The following ARID4B variants were observed in gnomAD, a reference collection of about 807,000 sequenced individuals.
The protein encoded by ARID4B is AT-rich interaction domain 4B.
ARID4B carries 26 observed loss-of-function variants against 147.5 expected under a neutral mutation model. The observed-to-expected ratio is 0.18, with a 90% CI of 0.13 to 0.24. The LOEUF is 0.24. ARID4B is among the 10% of genes least tolerant of loss of function. ARID4B has a pLI of 1.00. For synonymous variants in ARID4B, 512 were observed against 507.9 expected, an observed-to-expected ratio of 1.01 and a Z score of -0.11; for missense variants, 1,179 against 1,511.5, an observed-to-expected ratio of 0.78 and a Z score of 3.65.
At chr1:235,258,487 C>A (rs1282385872) in intron 3 of ARID4B, among the ~76,000 whole-genome samples, 1 of 152,038 alleles carries the variant, frequency 6.6e-6, no homozygotes, top group African/African-American at 2.4e-5. Context: ...GAATGGGAAA[C>A]CAGAGGTGAA....
chr1:235,248,978 T>G (rs1050228687), intron 6 of ARID4B, among the ~76,000 whole-genome samples: 4 of 152,196 alleles, frequency 2.6e-5, no homozygotes, highest in Admixed American at 2.0e-4. Flanking sequence ...AATATGGAAC[T>G]GGGATTTTAC....
At chr1:235,247,295 A>C (rs1207914914) in intron 6 of ARID4B, among the ~76,000 whole-genome samples, 4 of 152,222 alleles carry the variant, frequency 2.6e-5, no homozygotes, top group Non-Finnish European at 5.9e-5. Flanking sequence ...GGGTGGTATA[A>C]GAAAGAGTAT....
chr1:235,224,266 G>A (rs935116356), intron 12 of ARID4B, among the ~76,000 whole-genome samples: 4 of 152,148 alleles, frequency 2.6e-5, no homozygotes, highest in Non-Finnish European at 4.4e-5. Context: ...TTGAGGTTAC[G>A]GAAGGATTAG....
At chr1:235,281,036 G>A (rs780206805) in intron 2 of ARID4B, among the ~76,000 whole-genome samples, 1 of 151,798 alleles carries the variant, frequency 6.6e-6, no homozygotes, top group Non-Finnish European at 1.5e-5. Flanking sequence ...TTTCAAATGT[G>A]AGTCCTAAGT....
intron 21 of ARID4B, chr1:235,176,736 C>T (rs1016450907): frequency 3.1e-5 from 13 of 414,282 alleles, no homozygotes; most frequent in South Asian, 1.5e-4. Flanking sequence ...GCCCCAGGGA[C>T]GCCATATTCA....
At chr1:235,175,883 G>A (rs185106698) in intron 21 of ARID4B, among the ~76,000 whole-genome samples, 3 of 152,252 alleles carry the variant, frequency 2.0e-5, no homozygotes, top group East Asian at 3.9e-4. Context: ...TATGTATAAT[G>A]AAATTACTCT....
rs560077534 is a variant in ARID4B, at chr1:235,327,829, C to G, written c.-110G>C. ...AGAGTCCCCTCTCTCCTTCTCCCCC[C>G]CAAAACCAGCAGGCCCGGGGGAGAG... On this transcript the variant is annotated 5_prime_UTR_variant, in exon 1 of 24. Transcript: ENST00000264183. 3.0e-3 allele frequency: 451 copies of G among 152,730 alleles called. 2 individuals are homozygous for G. The highest frequency in any genetic ancestry group is 5.1e-3 in the Non-Finnish European group (351 of 68,314). 9.5% of individuals were successfully genotyped at this position (152,730 alleles called of 1,614,324 possible). A position where few individuals can be genotyped will look rare whatever the true frequency, so the allele number is the denominator to read the frequency against.
chr1:235,224,571 A>G, intron 12 of ARID4B, 132 bp downstream of exon 12: 1 of 670,030 alleles, frequency 1.5e-6, no homozygotes, highest in Non-Finnish European at 2.7e-6. Context: ...GGTGCTGGTG[A>G]TATCAGAGTC....
chr1:235,306,502 C>CAA (rs35505288), intron 2 of ARID4B, among the ~76,000 whole-genome samples: 68 of 129,604 alleles, frequency 5.2e-4, no homozygotes, highest in South Asian at 9.4e-4. Flanking sequence ...GACTCCATCT[C>CAA]AAAAAAAAAA....
intron 19 of ARID4B, among the ~76,000 whole-genome samples, chr1:235,192,747 C>T (rs1187365961): frequency 2.0e-5 from 3 of 152,174 alleles, no homozygotes; most frequent in African/African-American, 7.2e-5. Flanking sequence ...TGCTCCAATC[C>T]TCATTGCTTT....
At chr1:235,176,379 C>G (rs953589982) in intron 21 of ARID4B, among the ~76,000 whole-genome samples, 1 of 117,362 alleles carries the variant, frequency 8.5e-6, no homozygotes, top group Non-Finnish European at 1.6e-5. Flanking sequence ...TTACACCAAA[C>G]AATTGATGAC....
chr1:235,273,189 C>G (rs1197236273), intron 2 of ARID4B, among the ~76,000 whole-genome samples: 3 of 152,128 alleles, frequency 2.0e-5, no homozygotes, highest in African/African-American at 7.2e-5. Flanking sequence ...AGGCGTGCAC[C>G]ACCCCACCCA....
chr1:235,241,403 T>C (rs1668968884), intron 7 of ARID4B, among the ~76,000 whole-genome samples: 1 of 152,228 alleles, frequency 6.6e-6, no homozygotes, highest in South Asian at 2.1e-4. Flanking sequence ...ATTTACCTAT[T>C]TAGTATACTA....
chr1:235,319,561 AT>A (rs894459581), intron 2 of ARID4B, among the ~76,000 whole-genome samples: 1 of 151,944 alleles, frequency 6.6e-6, no homozygotes, highest in African/African-American at 2.4e-5. Context: ...ATTATATCTC[AT>A]TTTTTTTAAT....
Position 235,220,379 on chromosome 1 carries a change from C to T in ARID4B, c.1330G>A (p.Glu444Lys), listed in dbSNP as rs757560989. 6.8e-6 allele frequency: 11 copies of T among 1,610,290 alleles called. No homozygotes were observed. The highest frequency in any genetic ancestry group is 3.3e-5 in the Admixed American group (2 of 59,972). ...TCTTCTCTTGGTATTATATTCCTCT[C>T]CTCCTCCATCTTTATTTCTTTGATC... ...TEIKEIKMEE[E>K]RNIIPREEKP... The change falls in exon 15 of 24, where the codon GAG (glutamate) becomes AAG (lysine). Residue 444 changes from glutamate to lysine, a missense_variant. Around this residue, in one of 10 missense-constraint regions of ARID4B, gnomAD observed 204 missense variants for 210.9 expected, o/e 0.97. Coordinates refer to ENST00000264183, the MANE Select transcript of ARID4B (RefSeq NM_016374.6).
In ARID4B at chr1:235,316,463, C is replaced by T. The variant is rs187280855; in HGVS notation, c.6+10451G>A. Among the ~76,000 whole-genome samples the T allele has an allele frequency of 1.3e-3, 202 of 152,128 alleles. No homozygotes were observed. The Middle Eastern group carries it at 0.017, about 13-fold the overall frequency. ...GCCAGAGGCTGCAGTAAGCCAAGATCGCACTACTGCACTCCAGCCTGGGCG... is the reference window on the plus strand; with the variant it reads ...GCCAGAGGCTGCAGTAAGCCAAGATTGCACTACTGCACTCCAGCCTGGGCG... On this transcript the variant is annotated intron_variant, in intron 2 of 23. Coordinates refer to ENST00000264183, the MANE Select transcript of ARID4B (RefSeq NM_016374.6).
intron 19 of ARID4B, among the ~76,000 whole-genome samples, chr1:235,191,999 G>A (rs1004111823): frequency 1.3e-5 from 2 of 152,076 alleles, no homozygotes; most frequent in Non-Finnish European, 2.9e-5. Flanking sequence ...GGTCGCTTGA[G>A]CCCAGGAGGT....
At position 235,209,247 on chromosome 1, in the gene ARID4B, G is replaced by T. The variant is rs114337720; in HGVS notation, c.1841+4522C>A. ...CCCACCACTTACGGGGGCAGAGGTG[G>T]ATCACCTGAGGTCAGGCGTTTGAGA... On this transcript the variant is annotated intron_variant, in intron 17 of 23. Coordinates refer to ENST00000264183, the MANE Select transcript of ARID4B (RefSeq NM_016374.6). Among the ~76,000 whole-genome samples the T allele has an allele frequency of 1.7e-3, 265 of 152,312 alleles. 1 individual carries two copies. The highest frequency in any genetic ancestry group is 6.1e-3 in the African/African-American group (255 of 41,554).
At chr1:235,197,649 A>G (rs367811442) in intron 17 of ARID4B, among the ~76,000 whole-genome samples, 64 of 152,342 alleles carry the variant, frequency 4.2e-4, no homozygotes, top group African/African-American at 1.5e-3. Flanking sequence ...CTCATTCTCA[A>G]TCTAAGGCTT....
Sources: allele counts gnomAD v4.1 joint callset (sites outside exome capture counted in the v4.1 genomes callset), GRCh38; gene constraint gnomAD v4.1.1; regional missense constraint gnomAD v4.1.1; transcripts MANE v1.5; gene names NCBI Gene and HGNC (gene_info 2026-07-23, HGNC 2026-07-21).